Variants in CIST1 observed in about 807,000 individuals in gnomAD.
CIST1 encodes the protein colon, intestine and stomach enriched 1, also known as uncharacterized LOC729966.
At chr19:18,252,350 A>G in the CIST1 span, 1 of 398,996 alleles carries the variant, frequency 2.5e-6, no homozygotes, top group Non-Finnish European at 4.4e-6. Flanking sequence ...CTGTCTCCAA[A>G]CTCATGGTGC....
chr19:18,251,097 T>C, the CIST1 span, among the ~76,000 whole-genome samples: 1 of 150,358 alleles, frequency 6.7e-6, no homozygotes, highest in Non-Finnish European at 1.5e-5. Flanking sequence ...TTTTATTTAA[T>C]CAATTACTTT....
At chr19:18,251,353 T>C in the CIST1 span, among the ~76,000 whole-genome samples, 1 of 151,640 alleles carries the variant, frequency 6.6e-6, no homozygotes, top group African/African-American at 2.4e-5. Context: ...CTTGAACTCC[T>C]GACCTCAGGT....
chr19:18,252,591 CCTCTCTCTCTCTCTTTCT>C, the CIST1 span: 1 of 354,526 alleles, frequency 2.8e-6, no homozygotes. Context: ...ATAGCGAGAC[CCTCTCTCTCTCTCTTTCT>C]CTCTCTCTTT....
chr19:18,250,995 T>G, the CIST1 span, among the ~76,000 whole-genome samples: 1 of 152,126 alleles, frequency 6.6e-6, no homozygotes, highest in African/African-American at 2.4e-5. Flanking sequence ...AGGCTGGTCT[T>G]GAACTCATTG....
At chr19:18,249,979 G>C in the CIST1 span, 1 of 396,872 alleles carries the variant, frequency 2.5e-6, no homozygotes, top group African/African-American at 2.1e-5. Flanking sequence ...GCACATAGTA[G>C]GTGCTCAGTT....
At chr19:18,249,973 A>G in the CIST1 span, 1 of 396,440 alleles carries the variant, frequency 2.5e-6, no homozygotes, top group Non-Finnish European at 4.4e-6. Context: ...AGCCCAGCAC[A>G]TAGTAGGTGC....
the CIST1 span, among the ~76,000 whole-genome samples, chr19:18,253,645 G>T: frequency 1.3e-5 from 2 of 152,086 alleles, no homozygotes; most frequent in African/African-American, 2.4e-5. Context: ...GCTCAGAGAG[G>T]ATCAGCCCTA....
At chr19:18,250,146 T>G in the CIST1 span, 2 of 398,582 alleles carry the variant, frequency 5.0e-6, no homozygotes, top group Admixed American at 8.8e-5. Flanking sequence ...CTGGAGGTGG[T>G]GGGCAAAGGA....
At chr19:18,251,965 C>T in the CIST1 span, 1 of 397,728 alleles carries the variant, frequency 2.5e-6, no homozygotes. Context: ...CTTCCTAGAG[C>T]ATTCTCGGGG....
chr19:18,250,451 C>T, the CIST1 span: 19 of 399,124 alleles, frequency 4.8e-5, no homozygotes, highest in South Asian at 2.5e-4. Flanking sequence ...GTGTAACTCA[C>T]GGGGCCCAGT....
the CIST1 span, among the ~76,000 whole-genome samples, chr19:18,251,002 A>G: frequency 6.7e-6 from 1 of 149,958 alleles, no homozygotes; most frequent in East Asian, 2.0e-4. Flanking sequence ...TCTTGAACTC[A>G]TTGGCTCAGG....
chr19:18,255,302 C>G, the CIST1 span: 23,791 of 399,338 alleles, frequency 0.06, 812 homozygotes, highest in Non-Finnish European at 0.077. The surrounding 1 kb of genome is among the most constrained non-coding windows in gnomAD (Gnocchi z 4.6). Flanking sequence ...GCTGGGGGCA[C>G]GCCATTCCTG....
the CIST1 span, among the ~76,000 whole-genome samples, chr19:18,253,567 C>CAT: frequency 6.7e-6 from 1 of 148,936 alleles, no homozygotes; most frequent in African/African-American, 2.5e-5. Flanking sequence ...AAAAAAAACA[C>CAT]ACACACACAA....
At chr19:18,250,832 G>A in the CIST1 span, among the ~76,000 whole-genome samples, 2 of 149,854 alleles carry the variant, frequency 1.3e-5, no homozygotes, top group Non-Finnish European at 3.0e-5. Flanking sequence ...GGAGTGCAGT[G>A]ACGTTATCTC....
chr19:18,255,201 C>A, the CIST1 span: 1 of 396,354 alleles, frequency 2.5e-6, no homozygotes. This position sits in a 1 kb window ranked among gnomAD's most constrained non-coding sequence, Gnocchi z 4.6. Flanking sequence ...GGAAGCTGAG[C>A]CTCTTTACCA....
chr19:18,254,750 C>A, the CIST1 span, among the ~76,000 whole-genome samples: 1 of 152,066 alleles, frequency 6.6e-6, no homozygotes, highest in African/African-American at 2.4e-5. Context: ...AAGGCTCCTC[C>A]CCTCCACCCT....
At chr19:18,251,981 C>T in the CIST1 span, 1 of 398,132 alleles carries the variant, frequency 2.5e-6, no homozygotes, top group Non-Finnish European at 4.4e-6. Flanking sequence ...CGGGGCTGTA[C>T]CTCCCCCTGG....
the CIST1 span, chr19:18,252,048 ATC>A: frequency 2.5e-6 from 1 of 398,336 alleles, no homozygotes; most frequent in Non-Finnish European, 4.4e-6. Context: ...AAACACCCAA[ATC>A]TCTTAATACT....
At chr19:18,250,773 A>AT in the CIST1 span, among the ~76,000 whole-genome samples, 12,695 of 124,614 alleles carry the variant, frequency 0.1, 866 homozygotes, top group African/African-American at 0.19. Flanking sequence ...TGCCTGGACA[A>AT]TTTTTTTTTT....
Sources: gnomAD v4.1 joint callset for allele counts (sites outside exome capture counted in the v4.1 genomes callset) on GRCh38, gnomAD v4.1.1 for gene constraint, Gnocchi (gnomAD v3.1) non-coding constraint, MANE v1.5 for transcripts, NCBI Gene and HGNC (gene_info 2026-07-23, HGNC 2026-07-21) for gene names.